Variants in MACROD2 observed in about 807,000 individuals in gnomAD.
MACROD2 encodes the protein mono-ADP ribosylhydrolase 2.
In MACROD2, 36 loss-of-function variants were observed where a neutral mutation model predicts 70.4. The ratio of observed to expected loss-of-function variants is 0.51; its 90% CI spans 0.39 to 0.68. The LOEUF is 0.68. Among genes scored for constraint, MACROD2 ranks in the 30% least tolerant of loss-of-function variants. The pLI is 0.00. For synonymous variants in MACROD2, 172 were observed against 178.8 expected, an observed-to-expected ratio of 0.96 and a Z score of 0.30; for missense variants, 496 against 538.4, an observed-to-expected ratio of 0.92 and a Z score of 0.78.
intron 5 of MACROD2, among the ~76,000 whole-genome samples, chr20:15,021,075 T>C (rs1403097937): frequency 7.4e-6 from 1 of 135,706 alleles, no homozygotes; most frequent in Non-Finnish European, 1.7e-5. Context: ...TACACATGTG[T>C]GTATGTGTAT....
chr20:15,812,308 G>A (rs1309633407), intron 8 of MACROD2, among the ~76,000 whole-genome samples: 2 of 152,192 alleles, frequency 1.3e-5, no homozygotes, highest in African/African-American at 4.8e-5. Context: ...ATTTGGGGCT[G>A]TCTAGACTAT....
intron 6 of MACROD2, among the ~76,000 whole-genome samples, chr20:15,391,230 C>G (rs756249696): frequency 6.6e-6 from 1 of 152,182 alleles, no homozygotes; most frequent in Non-Finnish European, 1.5e-5. Flanking sequence ...TGAGGAATCT[C>G]CCTAGACAGT....
chr20:14,288,247 G>A (rs1366929667), intron 3 of MACROD2, among the ~76,000 whole-genome samples: 4 of 151,876 alleles, frequency 2.6e-5, no homozygotes, highest in Non-Finnish European at 5.9e-5. Context: ...TGGTCACCTG[G>A]AATACAGAGT....
intron 8 of MACROD2, among the ~76,000 whole-genome samples, chr20:15,676,832 A>G (rs1045142486): frequency 1.3e-5 from 2 of 152,218 alleles, no homozygotes; most frequent in African/African-American, 4.8e-5. Flanking sequence ...AGATGTTTCT[A>G]TCTGCTATTC....
intron 5 of MACROD2, among the ~76,000 whole-genome samples, chr20:14,798,315 A>AT (rs1289837157): frequency 1.3e-5 from 2 of 151,932 alleles, no homozygotes; most frequent in Non-Finnish European, 2.9e-5. Flanking sequence ...CAAAAGTCTA[A>AT]TTTTTTTCCC....
chr20:15,541,559 C>T (rs969231567), intron 8 of MACROD2, among the ~76,000 whole-genome samples: 18 of 152,104 alleles, frequency 1.2e-4, no homozygotes, highest in East Asian at 9.6e-4. Context: ...CATCTCCATA[C>T]GCCCCAAAGC....
intron 3 of MACROD2, among the ~76,000 whole-genome samples, chr20:14,331,003 T>C (rs2082826328): frequency 6.6e-6 from 1 of 152,082 alleles, no homozygotes; most frequent in African/African-American, 2.4e-5. Context: ...TAGAAACTAA[T>C]TAAAAACCAT....
At chr20:15,092,407 TTAAA>T (rs1049990236) in intron 5 of MACROD2, among the ~76,000 whole-genome samples, 15 of 148,546 alleles carry the variant, frequency 1.0e-4, no homozygotes, top group African/African-American at 3.4e-4. Context: ...TTTATTATAA[TTAAA>T]TATTTTCATT....
chr20:15,028,056 C>CAT (rs2075247118), intron 5 of MACROD2, among the ~76,000 whole-genome samples: 1 of 152,168 alleles, frequency 6.6e-6, no homozygotes, highest in South Asian at 2.1e-4. Flanking sequence ...CCAGATGATG[C>CAT]ATGAAGATCC....
chr20:14,040,817 G>A, intron 2 of MACROD2, among the ~76,000 whole-genome samples: 1 of 152,162 alleles, frequency 6.6e-6, no homozygotes, highest in East Asian at 1.9e-4. Flanking sequence ...TGCATATATG[G>A]CCTGTTATTA....
intron 5 of MACROD2, among the ~76,000 whole-genome samples, chr20:14,864,691 G>C (rs376407): frequency 6.6e-6 from 1 of 151,982 alleles, no homozygotes; most frequent in Non-Finnish European, 1.5e-5. Flanking sequence ...ATGCCAGCTG[G>C]AGGAATTTTA....
intron 3 of MACROD2, chr20:14,327,111 T>C: frequency 6.2e-7 from 1 of 1,613,814 alleles, no homozygotes; most frequent in Non-Finnish European, 8.5e-7. Flanking sequence ...CTAAATGTAA[T>C]TCTTCCAGAT....
chr20:15,544,878 A>T (rs2048006508), intron 8 of MACROD2, among the ~76,000 whole-genome samples: 1 of 151,938 alleles, frequency 6.6e-6, no homozygotes, highest in South Asian at 2.1e-4. Flanking sequence ...AAATACTTGA[A>T]CTCACTGAGC....
At chr20:14,185,364 A>G (rs1462920618) in intron 3 of MACROD2, among the ~76,000 whole-genome samples, 2 of 152,152 alleles carry the variant, frequency 1.3e-5, no homozygotes, top group African/African-American at 2.4e-5. Context: ...ACACCTAGGG[A>G]GAGCTACGTT....
intron 11 of MACROD2, among the ~76,000 whole-genome samples, chr20:15,935,951 T>C (rs6135614): frequency 0.04 from 6,099 of 152,218 alleles, 281 homozygotes; most frequent in East Asian, 0.23. Flanking sequence ...AAATGAGATC[T>C]AAATGATGAG....
chr20:15,345,361 G>T (rs967782717), intron 6 of MACROD2, among the ~76,000 whole-genome samples: 7 of 152,190 alleles, frequency 4.6e-5, no homozygotes, highest in African/African-American at 1.7e-4. Flanking sequence ...AATAGACAAT[G>T]ATCTCTGATT....
intron 7 of MACROD2, among the ~76,000 whole-genome samples, chr20:15,458,683 C>G (rs1664724554): frequency 6.7e-6 from 1 of 149,552 alleles, no homozygotes; most frequent in African/African-American, 2.5e-5. Flanking sequence ...GGTGTCCACT[C>G]AGTACTACCT....
intron 8 of MACROD2, among the ~76,000 whole-genome samples, chr20:15,581,313 T>C (rs1433484711): frequency 2.0e-5 from 3 of 152,226 alleles, no homozygotes; most frequent in East Asian, 1.9e-4. Flanking sequence ...TACACAGACG[T>C]CCACTGGTTG....
chr20:15,236,182 G>A (rs2077012451), intron 6 of MACROD2, among the ~76,000 whole-genome samples: 1 of 152,190 alleles, frequency 6.6e-6, no homozygotes, highest in Non-Finnish European at 1.5e-5. Flanking sequence ...GCTAACTCAA[G>A]ACTTTTCCTT....
Sources: allele counts gnomAD v4.1 joint callset (sites outside exome capture counted in the v4.1 genomes callset), GRCh38; gene constraint gnomAD v4.1.1; transcripts MANE v1.5; gene names NCBI Gene and HGNC (gene_info 2026-07-23, HGNC 2026-07-21).